SLC16A4: variants seen among roughly 807,000 people sequenced by gnomAD.
SLC16A4 encodes the protein solute carrier family 16 member 4.
A neutral mutation model predicts 47.9 loss-of-function variants in SLC16A4; 39 were observed. The observed-to-expected ratio is 0.81, with a 90% CI of 0.63 to 1.06. The LOEUF (loss-of-function observed/expected upper bound fraction) is 1.06, where lower values mean the gene tolerates loss of function less well. SLC16A4 is among the 50% of genes least tolerant of loss of function. The pLI, the probability that SLC16A4 is intolerant of heterozygous loss-of-function variation, is 0.00. For synonymous variants in SLC16A4, 189 were observed against 199.9 expected (o/e 0.95, Z 0.46); for missense variants, 524 against 573.8 (o/e 0.91, Z 0.89).
rs1056021800 is a variant in SLC16A4, at chr1:110,375,485, C to T, written c.1309G>A (p.Ala437Thr). ...GCTATAGGTGGTCCAGAAAGGACAGCCATCCCAGCAAAGAAACTGGCAAGT... is the reference window on the plus strand; with the variant it reads ...GCTATAGGTGGTCCAGAAAGGACAGTCATCCCAGCAAAGAAACTGGCAAGT... ...LGLASFFAGM[A>T]VLSGPPIAGW... Residue 437 changes from alanine to threonine, a missense_variant, in exon 8 of 9, where the codon GCT (alanine) becomes ACT (threonine). By Grantham distance (58) the Ala-to-Thr change is moderately conservative (BLOSUM62 0). Transcript: ENST00000369779. 1.9e-6 allele frequency: 3 copies of T among 1,612,006 alleles called. No individual in the cohort carries two copies. Among genetic ancestry groups the T allele is most frequent in the Non-Finnish European group, 2.5e-6 (3 of 1,178,080 alleles).
intron 2 of SLC16A4, among the ~76,000 whole-genome samples, chr1:110,388,266 C>G (rs955900750): frequency 2.6e-5 from 4 of 152,240 alleles, no homozygotes; most frequent in Non-Finnish European, 5.9e-5. Context: ...CACTCTCACA[C>G]CTCAACCCCT....
At position 110,378,924 on chromosome 1, in the gene SLC16A4, AAGGT is replaced by A. The variant is rs1286240433; in HGVS notation, c.955_958del (p.Thr319PhefsTer4). The A allele has an allele frequency of 1.9e-6, 3 of 1,614,060 alleles. No individual in the cohort carries two copies. Among genetic ancestry groups the A allele is most frequent in the Admixed American group, 3.3e-5 (2 of 59,998 alleles). On this transcript the variant is annotated frameshift_variant, in exon 6 of 9. Transcript: ENST00000369779. LOFTEE classifies it high-confidence loss of function. The stretch of plus-strand genomic sequence containing the variant: ...TGTTTTGGCTCTGGCTACCAGGTGA[AAGGT>A]AGGGATGAAGTATGCTAACTGACTG...
chr1:110,364,718 C>G (rs1470452243), intron 8 of SLC16A4, among the ~76,000 whole-genome samples: 3 of 151,900 alleles, frequency 2.0e-5, no homozygotes, highest in African/African-American at 7.3e-5. Context: ...GCCATGTTGG[C>G]CAGGGTGGTC....
At position 110,383,042 on chromosome 1, in the gene SLC16A4, T is replaced by TA. The variant is rs1260586713; in HGVS notation, c.88-77dup. 176 of 1,345,434 alleles carry TA rather than the reference T, an allele frequency of 1.3e-4. 1 individual carries two copies. In the East Asian group the frequency reaches 4.2e-3, roughly 32 times the overall value. 83.3% of individuals were successfully genotyped at this position (1,345,434 alleles called of 1,614,324 possible). Reference sequence around the variant, plus strand: ...AGAGGCAATTACGGCTACTAGAAGTTATGATTCCCTCAGCTTACTACTATT... The same window carrying TA: ...AGAGGCAATTACGGCTACTAGAAGTTAATGATTCCCTCAGCTTACTACTATT... On this transcript the variant is annotated intron_variant, in intron 2 of 8. Transcript: ENST00000369779.
chr1:110,371,791 T>A (rs1173841896), intron 8 of SLC16A4: 1 of 152,220 alleles, frequency 6.6e-6, no homozygotes, highest in Non-Finnish European at 1.5e-5. Flanking sequence ...CCATATTTTT[T>A]AATTAAAATT....
At chr1:110,373,295 G>A (rs1661782989) in intron 8 of SLC16A4, among the ~76,000 whole-genome samples, 1 of 151,986 alleles carries the variant, frequency 6.6e-6, no homozygotes, top group Admixed American at 6.6e-5. Flanking sequence ...TGGCCCAATA[G>A]GCTTGAAAAA....
intron 1 of SLC16A4, among the ~76,000 whole-genome samples, 190 bp downstream of exon 1, chr1:110,390,675 A>G (rs551991460): frequency 2.8e-4 from 42 of 152,320 alleles, no homozygotes; most frequent in African/African-American, 6.3e-4. Flanking sequence ...AGAAAATGTA[A>G]ATGTTCTGAG....
intron 8 of SLC16A4, chr1:110,371,067 TCTG>T (rs1661661384): frequency 6.6e-6 from 1 of 152,196 alleles, no homozygotes; most frequent in African/African-American, 2.4e-5. Context: ...ACTTTTATCT[TCTG>T]TGTGTCCCAC....
At chr1:110,376,868 A>T (rs746664933) in intron 7 of SLC16A4, 82 bp downstream of exon 7, 2 of 1,153,586 alleles carry the variant, frequency 1.7e-6, no homozygotes, top group Non-Finnish European at 2.5e-6. Context: ...AAATTAATAC[A>T]AAATACGTAT....
intron 6 of SLC16A4, among the ~76,000 whole-genome samples, 157 bp downstream of exon 6, chr1:110,378,696 T>C (rs1329415278): frequency 1.3e-5 from 2 of 152,342 alleles, no homozygotes; most frequent in Middle Eastern, 3.4e-3. Context: ...TCCTGGGAAA[T>C]GCCCAGGTGC....
At chr1:110,388,396 C>T (rs973400198) in intron 2 of SLC16A4, among the ~76,000 whole-genome samples, 1 of 152,140 alleles carries the variant, frequency 6.6e-6, no homozygotes, top group African/African-American at 2.4e-5. Flanking sequence ...CCAAACACAT[C>T]GGAAATATAG....
Position 110,375,436 on chromosome 1 carries a change from CAG to C in SLC16A4, c.1336+20_1336+21del, listed in dbSNP as rs754605598. On this transcript the variant is annotated intron_variant, in intron 8 of 8. Transcript: ENST00000369779. ...TCTTTTATTGCTATTGAAATTTGTT[CAG>C]AATGTGGTGAAGGTGTTACCTGCTA... The C allele has an allele frequency of 6.4e-6, 9 of 1,399,028 alleles. No homozygotes were observed. Among genetic ancestry groups the C allele is most frequent in the Non-Finnish European group, 8.1e-6 (8 of 984,394 alleles). The allele number at this position is 1,399,028 out of a possible 1,614,324, so 86.7% of individuals were successfully genotyped here. A position where few individuals can be genotyped will look rare whatever the true frequency, so the allele number is the denominator to read the frequency against.
intron 2 of SLC16A4, 119 bp from the exon 3 acceptor site, chr1:110,383,085 G>T: frequency 2.3e-6 from 2 of 862,576 alleles, no homozygotes; most frequent in Non-Finnish European, 3.4e-6. Flanking sequence ...TTGCCTTATT[G>T]GTTGAGCCTC....
At chr1:110,381,190 C>G in intron 4 of SLC16A4, 47 bp from the exon 5 acceptor site, 1 of 1,559,230 alleles carries the variant, frequency 6.4e-7, no homozygotes, top group Non-Finnish European at 8.8e-7. Context: ...CATTAAGTGG[C>G]TTGGTAACAG....
chr1:110,382,193 C>A (rs538111141), intron 3 of SLC16A4, among the ~76,000 whole-genome samples: 1 of 152,110 alleles, frequency 6.6e-6, no homozygotes, highest in Non-Finnish European at 1.5e-5. Context: ...GGCTGGACGC[C>A]GTGGCTCTTT....
At chr1:110,387,439 A>T (rs778510824) in intron 2 of SLC16A4, among the ~76,000 whole-genome samples, 2 of 152,240 alleles carry the variant, frequency 1.3e-5, no homozygotes, top group African/African-American at 2.4e-5. Context: ...GTTGTAAGTC[A>T]TACAGAAACA....
intron 8 of SLC16A4, chr1:110,372,374 G>A (rs749091703): frequency 2.0e-4 from 31 of 152,182 alleles, no homozygotes; most frequent in Non-Finnish European, 3.8e-4. Context: ...ATCTCATACA[G>A]TTCTGAAGAT....
intron 2 of SLC16A4, among the ~76,000 whole-genome samples, chr1:110,385,078 C>T (rs1304894313): frequency 3.3e-5 from 5 of 152,078 alleles, no homozygotes; most frequent in Non-Finnish European, 7.4e-5. Context: ...TTTCTCGGCC[C>T]GCCTGTTACA....
intron 5 of SLC16A4, 67 bp downstream of exon 5, chr1:110,380,915 C>G: frequency 7.0e-7 from 1 of 1,431,790 alleles, no homozygotes; most frequent in Non-Finnish European, 9.8e-7. Context: ...ACTTCCATTT[C>G]TCAAAGGGAG....
Sources: gnomAD v4.1 joint callset for allele counts (sites outside exome capture counted in the v4.1 genomes callset) on GRCh38, gnomAD v4.1.1 for gene constraint, MANE v1.5 for transcripts, NCBI Gene and HGNC (gene_info 2026-07-23, HGNC 2026-07-21) for gene names.